The following LRRFIP1 variants were observed in gnomAD, a reference collection of about 807,000 sequenced individuals.
LRRFIP1 encodes leucine-rich repeat flightless-interacting protein 1.
Under a neutral mutation model 104.4 loss-of-function variants are expected in LRRFIP1, and 62 were observed. That is an observed-to-expected ratio of 0.59 (90% confidence interval 0.48 to 0.73). LRRFIP1 has a LOEUF of 0.73. LRRFIP1 is among the 30% of genes least tolerant of loss of function. The pLI is 0.00. For missense variants in LRRFIP1, 796 were observed against 824.5 expected, an observed-to-expected ratio of 0.97 and a Z score of 0.42; for synonymous variants, 300 against 299.0, an observed-to-expected ratio of 1.00 and a Z score of -0.03.
intron 1 of LRRFIP1, among the ~76,000 whole-genome samples, chr2:237,688,367 A>G (rs1308356365): frequency 6.6e-6 from 1 of 152,114 alleles, no homozygotes; most frequent in Non-Finnish European, 1.5e-5. Context: ...GAGGAAGTCA[A>G]GCCCTGGTCA....
At chr2:237,772,294 C>G in intron 21 of LRRFIP1, 96 bp downstream of exon 21, 1 of 886,796 alleles carries the variant, frequency 1.1e-6, no homozygotes, top group African/African-American at 1.6e-5. Flanking sequence ...AAAGAATGCC[C>G]TCATTCCCTC....
At chr2:237,639,607 C>T (rs1031244000) in intron 1 of LRRFIP1, among the ~76,000 whole-genome samples, 2 of 152,202 alleles carry the variant, frequency 1.3e-5, no homozygotes, top group Admixed American at 1.3e-4. Context: ...TATCTGACCT[C>T]TTAGAAGCTA....
chr2:237,771,592 A>G (rs977887970), intron 20 of LRRFIP1, among the ~76,000 whole-genome samples: 1 of 121,596 alleles, frequency 8.2e-6, no homozygotes, highest in African/African-American at 3.1e-5. Flanking sequence ...ACAACTGGAC[A>G]TGTTTCTGTC....
chr2:237,736,624 G>T (rs2095256541), intron 10 of LRRFIP1, among the ~76,000 whole-genome samples: 1 of 152,190 alleles, frequency 6.6e-6, no homozygotes, highest in Admixed American at 6.5e-5. Flanking sequence ...GTCAGCCCTA[G>T]ATCCTTGGCC....
At chr2:237,776,655 A>G (rs1156442168) in intron 23 of LRRFIP1, among the ~76,000 whole-genome samples, 1 of 152,096 alleles carries the variant, frequency 6.6e-6, no homozygotes, top group Non-Finnish European at 1.5e-5. Context: ...ATCACTTTGT[A>G]GTGACCCTTT....
At chr2:237,723,929 G>A (rs2150222073) in intron 7 of LRRFIP1, among the ~76,000 whole-genome samples, 1 of 152,284 alleles carries the variant, frequency 6.6e-6, no homozygotes, top group Admixed American at 6.5e-5. Context: ...ACTCAAATCA[G>A]ATCAAGAATT....
Position 237,691,790 on chromosome 2 carries a change from G to A in LRRFIP1, c.97-16754G>A, listed in dbSNP as rs1406889704. The stretch of plus-strand genomic sequence containing the variant: ...GGCCCCTGCGGGTGGAGCTGCGGCC[G>A]GAGCCTGAGGGGTCTTTTCCTCCAG... On this transcript the variant is annotated intron_variant, in intron 1 of 23. Coordinates refer to ENST00000308482, the MANE Select transcript of LRRFIP1 (RefSeq NM_001137550.2). The surrounding 1 kb of genome is among the most constrained non-coding windows in gnomAD (Gnocchi z 5.4). Among the ~76,000 whole-genome samples the A allele has an allele frequency of 6.6e-6, 1 of 152,204 alleles. No individual in the cohort carries two copies. Among genetic ancestry groups the A allele is most frequent in the Non-Finnish European group, 1.5e-5 (1 of 68,024 alleles).
intron 2 of LRRFIP1, among the ~76,000 whole-genome samples, chr2:237,710,520 C>T (rs184098750): frequency 1.9e-3 from 285 of 152,246 alleles, no homozygotes; most frequent in African/African-American, 6.7e-3. Context: ...CTCCTGACCT[C>T]GGGTGATTCC....
Position 237,735,312 on chromosome 2 carries a change from C to T in LRRFIP1, c.534C>T (p.Gly178=). ...DEGSFGGTRR[G]STSGSRAPSE... is the part of the protein sequence containing the mutation. ...GCAGCTTCGGTGGGACCCGACGGGG[C>T]AGCACCTCCGGCTCCCGTGCTGTAA... is the stretch of plus-strand genomic sequence containing the variant. Residue 178 remains glycine (G), a synonymous_variant, in exon 10 of 24, where the codon GGC becomes GGT. Coordinates refer to ENST00000308482, the MANE Select transcript of LRRFIP1 (RefSeq NM_001137550.2). The surrounding 1 kb of genome is among the most constrained non-coding windows in gnomAD (Gnocchi z 4.6). The T allele has an allele frequency of 1.2e-6, 2 of 1,613,376 alleles. No homozygotes were observed. The highest frequency in any genetic ancestry group is 8.5e-7 in the Non-Finnish European group (1 of 1,179,832).
intron 2 of LRRFIP1, among the ~76,000 whole-genome samples, chr2:237,712,021 T>TAAGATAGATGTGTATTTCTGAC (rs2094120769): frequency 6.6e-6 from 1 of 152,142 alleles, no homozygotes; most frequent in East Asian, 1.9e-4. Context: ...AGATCTTAAA[T>TAAGATAGATGTGTATTTCTGAC]AAGATAGATG....
At position 237,778,950 on chromosome 2, in the gene LRRFIP1, G is replaced by A. The variant is rs371139595; in HGVS notation, c.1813-472G>A. The stretch of plus-strand genomic sequence containing the variant: ...AAACAAACAAAAAAAGAGGCCGAGC[G>A]TGGTGGCTCATGCCTGTAATCCCAG... On this transcript the variant is annotated intron_variant, in intron 23 of 23. Coordinates refer to ENST00000308482, the MANE Select transcript of LRRFIP1 (RefSeq NM_001137550.2). Among the ~76,000 whole-genome samples, 32 of 150,114 alleles carry A rather than the reference G, an allele frequency of 2.1e-4. No homozygotes were observed. The South Asian group carries it at 5.3e-3, about 25-fold the overall frequency.
At chr2:237,668,376 C>A (rs1260754188) in intron 1 of LRRFIP1, among the ~76,000 whole-genome samples, 2 of 152,178 alleles carry the variant, frequency 1.3e-5, no homozygotes, top group Non-Finnish European at 2.9e-5. Flanking sequence ...GTCATCATGG[C>A]CCCCTGAAAT....
intron 19 of LRRFIP1, among the ~76,000 whole-genome samples, chr2:237,760,512 G>A (rs2059746463): frequency 6.6e-6 from 1 of 152,228 alleles, no homozygotes; most frequent in African/African-American, 2.4e-5. Context: ...ACAATGTGGA[G>A]AGTACTATTT....
chr2:237,673,198 CA>C (rs1174902288), intron 1 of LRRFIP1, among the ~76,000 whole-genome samples: 2 of 152,210 alleles, frequency 1.3e-5, no homozygotes, highest in Admixed American at 6.5e-5. Flanking sequence ...ATAAACATGG[CA>C]ATTCCCTTTC....
intron 1 of LRRFIP1, among the ~76,000 whole-genome samples, chr2:237,642,987 C>T (rs2084265352): frequency 6.6e-6 from 1 of 152,254 alleles, no homozygotes. Context: ...ATAAATCCGC[C>T]TGCTAACCTC....
chr2:237,750,487 C>T (rs1451524932), intron 13 of LRRFIP1, among the ~76,000 whole-genome samples: 1 of 151,980 alleles, frequency 6.6e-6, no homozygotes, highest in Non-Finnish European at 1.5e-5. Flanking sequence ...CAGGCGCCCG[C>T]CACCATGCCC....
chr2:237,774,551 T>C, intron 23 of LRRFIP1, 89 bp downstream of exon 23: 1 of 845,124 alleles, frequency 1.2e-6, no homozygotes. Context: ...TACTGTGACA[T>C]CTGCCCCTGG....
intron 4 of LRRFIP1, 135 bp from the exon 5 acceptor site, chr2:237,719,388 G>A (rs2094457741): frequency 1.7e-6 from 1 of 596,634 alleles, no homozygotes. Flanking sequence ...TTAAATGAAG[G>A]CAAAGAAAAT....
At chr2:237,772,344 G>A (rs1361753580) in intron 21 of LRRFIP1, 146 bp downstream of exon 21, 2 of 627,090 alleles carry the variant, frequency 3.2e-6, no homozygotes, top group Non-Finnish European at 5.6e-6. Context: ...AGCACAAGGA[G>A]GGGTAGGTAG....
Sources: allele counts gnomAD v4.1 joint callset (sites outside exome capture counted in the v4.1 genomes callset), GRCh38; gene constraint gnomAD v4.1.1; non-coding constraint Gnocchi (gnomAD v3.1); transcripts MANE v1.5; gene names NCBI Gene and HGNC (gene_info 2026-07-23, HGNC 2026-07-21).